Variants in IQCH observed in about 807,000 individuals in gnomAD.
IQCH encodes the protein IQ motif containing H.
In IQCH, 98 loss-of-function variants were observed where a neutral mutation model predicts 117.0. The ratio of observed to expected loss-of-function variants is 0.84; its 90% CI spans 0.71 to 0.99. The LOEUF (loss-of-function observed/expected upper bound fraction) is 0.99. Among genes scored for constraint, IQCH ranks in the 50% least tolerant of loss-of-function variants. The pLI is 0.00. For missense variants in IQCH, 1,102 were observed against 1,243.8 expected, an observed-to-expected ratio of 0.89 and a Z score of 1.72; for synonymous variants, 412 against 448.2, an observed-to-expected ratio of 0.92 and a Z score of 1.02.
chr15:67,486,735 T>C (rs1205832723), intron 18 of IQCH, among the ~76,000 whole-genome samples: 1 of 152,166 alleles, frequency 6.6e-6, no homozygotes, highest in Non-Finnish European at 1.5e-5. Flanking sequence ...TTTTTAAAAG[T>C]AAAAGAAATA....
intron 4 of IQCH, among the ~76,000 whole-genome samples, chr15:67,316,838 T>C (rs944133402): frequency 6.6e-6 from 1 of 152,218 alleles, no homozygotes; most frequent in African/African-American, 2.4e-5. Flanking sequence ...TTTTCTATAC[T>C]ACCTTCCAGG....
Position 67,411,557 on chromosome 15 carries a change from GA to G in IQCH, c.2098-5373del, listed in dbSNP as rs1194139441. On this transcript the variant is annotated intron_variant, in intron 14 of 20. Coordinates refer to ENST00000335894, the MANE Select transcript of IQCH (RefSeq NM_001031715.3). This position sits in a 1 kb window ranked among gnomAD's most constrained non-coding sequence, Gnocchi z 4.4. ...CATCAGTGTCTGATATGGGAGATTT[GA>G]GGTGATTAACCAAAAAGTTATTAAT... Among the ~76,000 whole-genome samples the G allele has an allele frequency of 1.3e-5, 2 of 152,112 alleles. No homozygotes were observed. Among genetic ancestry groups the G allele is most frequent in the African/African-American group, 4.8e-5 (2 of 41,420 alleles).
Position 67,372,416 on chromosome 15 carries a change from A to G in IQCH, c.1059A>G (p.Gln353=), listed in dbSNP as rs1475150226. 2 of 1,613,988 alleles carry G rather than the reference A, an allele frequency of 1.2e-6. No individual in the cohort carries two copies. The highest frequency in any genetic ancestry group is 1.7e-6 in the Non-Finnish European group (2 of 1,179,992). The change falls in exon 9 of 21, where the codon CAA becomes CAG. Residue 353 remains glutamine (Q), a synonymous_variant. Coordinates refer to ENST00000335894, the MANE Select transcript of IQCH (RefSeq NM_001031715.3). ...LSVLEDPAHV[Q]MLINLPGQRY... ...TGTTAGAGGACCCAGCTCATGTCCA[A>G]ATGCTGATAAATCTTCCAGGGCAAA... is the stretch of plus-strand genomic sequence containing the variant.
intron 10 of IQCH, among the ~76,000 whole-genome samples, chr15:67,383,884 A>G (rs2140826825): frequency 6.6e-6 from 1 of 152,330 alleles, no homozygotes; most frequent in East Asian, 1.9e-4. Flanking sequence ...GACATTGTCT[A>G]GTGTTTAAAC....
intron 18 of IQCH, among the ~76,000 whole-genome samples, chr15:67,478,171 G>A (rs985150163): frequency 6.6e-6 from 1 of 151,940 alleles, no homozygotes; most frequent in Admixed American, 6.6e-5. Flanking sequence ...GATCACCTGA[G>A]GTCAGGAGTT....
intron 3 of IQCH, among the ~76,000 whole-genome samples, chr15:67,265,641 G>C (rs1039256892): frequency 6.6e-6 from 1 of 152,168 alleles, no homozygotes; most frequent in African/African-American, 2.4e-5. Context: ...AAGTCACAGC[G>C]TGTGACTCAG....
At chr15:67,255,639 C>T (rs1216819818) in intron 1 of IQCH, among the ~76,000 whole-genome samples, 2 of 152,186 alleles carry the variant, frequency 1.3e-5, no homozygotes. Flanking sequence ...TTTTAACTAT[C>T]ACATATATAA....
chr15:67,302,735 T>G (rs576906302), intron 4 of IQCH, among the ~76,000 whole-genome samples: 54 of 152,260 alleles, frequency 3.5e-4, no homozygotes, highest in Admixed American at 2.7e-3. Context: ...TGCACACCTG[T>G]AATCCCAGCT....
chr15:67,330,067 CGGT>C (rs34340802), intron 4 of IQCH, among the ~76,000 whole-genome samples: 31,478 of 151,898 alleles, frequency 0.21, 3,983 homozygotes, highest in East Asian at 0.47. Context: ...TTGTGATCTC[CGGT>C]GGCTACTCGG....
In IQCH at chr15:67,467,843, T is replaced by G. The variant is rs1486126468; in HGVS notation, c.2676+2546T>G. On this transcript the variant is annotated intron_variant, in intron 17 of 20. Transcript: ENST00000335894. This position sits in a 1 kb window ranked among gnomAD's most constrained non-coding sequence, Gnocchi z 5.7. Reference sequence around the variant, plus strand: ...ATGATAATGAGAGCGCATTCAAAACTAATGCCTATAAAATGCTTCCAGTGT... The same window carrying G: ...ATGATAATGAGAGCGCATTCAAAACGAATGCCTATAAAATGCTTCCAGTGT... 6.6e-6 allele frequency among the ~76,000 whole-genome samples: 1 copy of G among 152,202 alleles called. No homozygotes were observed. Among genetic ancestry groups the G allele is most frequent in the Non-Finnish European group, 1.5e-5 (1 of 68,040 alleles).
intron 9 of IQCH, 143 bp downstream of exon 9, chr15:67,372,805 C>A: frequency 1.5e-6 from 1 of 661,750 alleles, no homozygotes; most frequent in Non-Finnish European, 2.6e-6. Context: ...TCACTCCCCT[C>A]AATGTATGAT....
Position 67,481,734 on chromosome 15 carries a change from T to C in IQCH, c.2799+5916T>C, listed in dbSNP as rs2083343546. ...AGAAATATAGAAAATTTAAGAAGTA[T>C]CTAGAAAAGAACTCCATGTTGTAGC... On this transcript the variant is annotated intron_variant, in intron 18 of 20. Coordinates refer to ENST00000335894, the MANE Select transcript of IQCH (RefSeq NM_001031715.3). This position sits in a 1 kb window ranked among gnomAD's most constrained non-coding sequence, Gnocchi z 4.1. Among the ~76,000 whole-genome samples the C allele has an allele frequency of 6.6e-6, 1 of 152,188 alleles. No individual in the cohort carries two copies. The highest frequency in any genetic ancestry group is 1.5e-5 in the Non-Finnish European group (1 of 68,038).
At chr15:67,449,492 C>A (rs2082468225) in intron 16 of IQCH, among the ~76,000 whole-genome samples, 1 of 152,160 alleles carries the variant, frequency 6.6e-6, no homozygotes, top group African/African-American at 2.4e-5. Context: ...ATCCTTTCCC[C>A]ATTGCTTGTT....
chr15:67,354,854 C>G (rs939131797), intron 6 of IQCH, among the ~76,000 whole-genome samples: 1 of 152,156 alleles, frequency 6.6e-6, no homozygotes, highest in Non-Finnish European at 1.5e-5. Context: ...TTCATGCTTG[C>G]CACCTCTTGG....
At chr15:67,329,260 C>T (rs927198429) in intron 4 of IQCH, among the ~76,000 whole-genome samples, 8 of 150,254 alleles carry the variant, frequency 5.3e-5, no homozygotes, top group Non-Finnish European at 1.0e-4. Context: ...GATTACACCA[C>T]TGCACCCCAG....
At chr15:67,420,660 A>G (rs139552184) in intron 15 of IQCH, among the ~76,000 whole-genome samples, 17 of 152,346 alleles carry the variant, frequency 1.1e-4, no homozygotes, top group African/African-American at 4.1e-4. Flanking sequence ...GATTTTTGGC[A>G]TTCAAAGCAA....
Position 67,388,800 on chromosome 15 carries a change from C to G in IQCH, c.1457-31C>G, listed in dbSNP as rs1316659126. On this transcript the variant is annotated intron_variant, in intron 11 of 20. Coordinates refer to ENST00000335894, the MANE Select transcript of IQCH (RefSeq NM_001031715.3). The surrounding 1 kb of genome is among the most constrained non-coding windows in gnomAD (Gnocchi z 5.5). ...TTCATAATGTCATTTACCTTCACACCAGTAATTAACATTGTGCCTGTTGTT... is the reference window on the plus strand; with the variant it reads ...TTCATAATGTCATTTACCTTCACACGAGTAATTAACATTGTGCCTGTTGTT... The G allele has an allele frequency of 6.4e-7, 1 of 1,564,696 alleles. No homozygotes were observed. The highest frequency in any genetic ancestry group is 8.8e-7 in the Non-Finnish European group (1 of 1,136,634).
chr15:67,321,496 C>A (rs973103200), intron 4 of IQCH, among the ~76,000 whole-genome samples: 6 of 134,984 alleles, frequency 4.4e-5, no homozygotes, highest in African/African-American at 1.6e-4. Flanking sequence ...CTTTTTCTTT[C>A]TTTTTTCTTT....
In IQCH at chr15:67,458,169, C is replaced by T. The variant is rs972068088; in HGVS notation, c.2506-6958C>T. 3.3e-5 allele frequency among the ~76,000 whole-genome samples: 5 copies of T among 152,236 alleles called. No individual in the cohort carries two copies. Among genetic ancestry groups the T allele is most frequent in the Admixed American group, 2.6e-4 (4 of 15,284 alleles). On this transcript the variant is annotated intron_variant, in intron 16 of 20. Transcript: ENST00000335894. This position sits in a 1 kb window ranked among gnomAD's most constrained non-coding sequence, Gnocchi z 4.1. ...TGAGATTTCAACCCACCCTCTATAA[C>T]ATGCTGTAACAAAGGCATCTCAAAC...
Sources: gnomAD v4.1 joint callset for allele counts (sites outside exome capture counted in the v4.1 genomes callset) on GRCh38, gnomAD v4.1.1 for gene constraint, Gnocchi (gnomAD v3.1) non-coding constraint, MANE v1.5 for transcripts, NCBI Gene and HGNC (gene_info 2026-07-23, HGNC 2026-07-21) for gene names.